The following NDUFS4 variants were observed in gnomAD, a reference collection of about 807,000 sequenced individuals.
The protein encoded by NDUFS4 is NADH dehydrogenase [ubiquinone] iron-sulfur protein 4, mitochondrial.
A neutral mutation model predicts 24.3 loss-of-function variants in NDUFS4; 28 were observed. That is an observed-to-expected ratio of 1.15 (90% CI 0.85 to 1.58). The LOEUF (loss-of-function observed/expected upper bound fraction) is 1.58. Among genes scored for constraint, NDUFS4 ranks in the 40% most tolerant of loss-of-function variants. The pLI is 0.00. For missense variants in NDUFS4, 223 were observed against 207.9 expected (o/e 1.07, Z -0.45); for synonymous variants, 93 against 69.7 (o/e 1.34, Z -1.67).
At chr5:53,596,443 TAATA>T (rs1561351341) in intron 1 of NDUFS4, among the ~76,000 whole-genome samples, 1 of 151,994 alleles carries the variant, frequency 6.6e-6, no homozygotes, top group Non-Finnish European at 1.5e-5. Context: ...AAAAAGTAAA[TAATA>T]AAATAAAATA....
chr5:53,652,739 T>C (rs1206818840), intron 3 of NDUFS4, among the ~76,000 whole-genome samples: 1 of 152,164 alleles, frequency 6.6e-6, no homozygotes, highest in African/African-American at 2.4e-5. Flanking sequence ...CCTGAGTCTT[T>C]AAATGTTAGA....
intron 2 of NDUFS4, among the ~76,000 whole-genome samples, chr5:53,617,556 T>C (rs546292866): frequency 5.3e-5 from 8 of 152,264 alleles, no homozygotes; most frequent in African/African-American, 1.7e-4. Context: ...TCTTCTTCCT[T>C]CCATTCTTTT....
At chr5:53,652,288 T>C (rs201788166) in intron 3 of NDUFS4, among the ~76,000 whole-genome samples, 1 of 152,078 alleles carries the variant, frequency 6.6e-6, no homozygotes, top group East Asian at 1.9e-4. Flanking sequence ...TATCTTGCTG[T>C]TAAATACACA....
At chr5:53,570,714 T>C in intron 1 of NDUFS4, among the ~76,000 whole-genome samples, 1 of 148,958 alleles carries the variant, frequency 6.7e-6, no homozygotes, top group Admixed American at 6.7e-5. Context: ...GACAGAGTCT[T>C]GCTCTGTCAC....
intron 2 of NDUFS4, among the ~76,000 whole-genome samples, chr5:53,606,797 A>G (rs143813979): frequency 6.6e-6 from 1 of 152,342 alleles, no homozygotes; most frequent in East Asian, 1.9e-4. Context: ...TGAGGATTAC[A>G]TTTCAACATG....
intron 4 of NDUFS4, among the ~76,000 whole-genome samples, chr5:53,664,125 G>A (rs1348308793): frequency 1.3e-5 from 2 of 152,192 alleles, no homozygotes; most frequent in South Asian, 2.1e-4. Context: ...ATTCTGGGTT[G>A]AAAATTCTTT....
chr5:53,648,571 G>C (rs142635100), intron 3 of NDUFS4, among the ~76,000 whole-genome samples: 1 of 152,280 alleles, frequency 6.6e-6, no homozygotes, highest in Non-Finnish European at 1.5e-5. Context: ...ATTCCTGGTG[G>C]TGCCTGCATC....
At chr5:53,581,946 TCA>T (rs1749579726) in intron 1 of NDUFS4, among the ~76,000 whole-genome samples, 1 of 152,178 alleles carries the variant, frequency 6.6e-6, no homozygotes, top group Non-Finnish European at 1.5e-5. Flanking sequence ...GCGTGGTGGC[TCA>T]CGCCTGTAAT....
At chr5:53,683,045 T>G in intron 4 of NDUFS4, 73 bp from the exon 5 acceptor site, 3 of 972,814 alleles carry the variant, frequency 3.1e-6, no homozygotes, top group Non-Finnish European at 3.4e-6. Context: ...AAAGCTAGCC[T>G]CTGCTTGCTG....
At chr5:53,614,228 G>C (rs1014927341) in intron 2 of NDUFS4, among the ~76,000 whole-genome samples, 2 of 151,770 alleles carry the variant, frequency 1.3e-5, no homozygotes, top group African/African-American at 4.8e-5. Flanking sequence ...AAATTCTTTA[G>C]ATAAATAAAA....
intron 4 of NDUFS4, among the ~76,000 whole-genome samples, chr5:53,665,238 A>G (rs1752477971): frequency 6.6e-6 from 1 of 152,144 alleles, no homozygotes; most frequent in Admixed American, 6.5e-5. Flanking sequence ...GTCTGACCCT[A>G]CTGGGGGGTG....
At chr5:53,584,592 T>A (rs1245206895) in intron 1 of NDUFS4, among the ~76,000 whole-genome samples, 2 of 151,654 alleles carry the variant, frequency 1.3e-5, no homozygotes, top group East Asian at 3.9e-4. Flanking sequence ...CACCTGCCTC[T>A]GCCTCCCAAA....
At chr5:53,674,999 GAGTACTTTTTA>G (rs1432526048) in intron 4 of NDUFS4, among the ~76,000 whole-genome samples, 5 of 151,878 alleles carry the variant, frequency 3.3e-5, no homozygotes, top group African/African-American at 1.2e-4. Context: ...GTTGCTCTTA[GAGTACTTTTTA>G]AGTACTCTTA....
At chr5:53,645,996 T>A (rs1445176726) in intron 2 of NDUFS4, among the ~76,000 whole-genome samples, 1 of 152,162 alleles carries the variant, frequency 6.6e-6, no homozygotes, top group Non-Finnish European at 1.5e-5. Context: ...GGGCGTAAAT[T>A]TTTTTTACGA....
chr5:53,593,447 G>T, intron 1 of NDUFS4, among the ~76,000 whole-genome samples: 1 of 148,442 alleles, frequency 6.7e-6, no homozygotes, highest in African/African-American at 2.5e-5. Flanking sequence ...TCTCTTTTTT[G>T]TTAACCTGAC....
chr5:53,621,558 C>G (rs1751032033), intron 2 of NDUFS4, among the ~76,000 whole-genome samples: 1 of 151,872 alleles, frequency 6.6e-6, no homozygotes, highest in Non-Finnish European at 1.5e-5. Context: ...CATAGTCTGC[C>G]ATGAACTAAT....
intron 3 of NDUFS4, among the ~76,000 whole-genome samples, chr5:53,655,495 CTG>C (rs149974116): frequency 0.095 from 13,985 of 146,542 alleles, 768 homozygotes; most frequent in Middle Eastern, 0.14. Context: ...GTGTAAATTT[CTG>C]TTTGGGTTTT....
In NDUFS4 at chr5:53,577,876, C is replaced by T. The variant is rs558524479; in HGVS notation, c.98+17116C>T. 1.3e-4 allele frequency among the ~76,000 whole-genome samples: 20 copies of T among 152,276 alleles called. No homozygotes were observed. The East Asian group carries it at 3.5e-3, about 26-fold the overall frequency. On this transcript the variant is annotated intron_variant, in intron 1 of 4. Coordinates refer to ENST00000296684, the MANE Select transcript of NDUFS4 (RefSeq NM_002495.4). ...CCCGGGATTGTGTATAACATCCCAG[C>T]TAACAAAGATCAACCTACAGTTTTC...
Position 53,594,807 on chromosome 5 carries a change from T to C in NDUFS4, c.99-8645T>C, listed in dbSNP as rs79033179. On this transcript the variant is annotated intron_variant, in intron 1 of 4. Coordinates refer to ENST00000296684, the MANE Select transcript of NDUFS4 (RefSeq NM_002495.4). ...TATTAAAACAAACCTCTTTTATACATTATCTCAGTATTTTTTTACACACAG... is the reference window on the plus strand; with the variant it reads ...TATTAAAACAAACCTCTTTTATACACTATCTCAGTATTTTTTTACACACAG... Among the ~76,000 whole-genome samples, 287 of 152,162 alleles carry C rather than the reference T, an allele frequency of 1.9e-3. 1 individual carries two copies. The highest frequency in any genetic ancestry group is 6.7e-3 in the African/African-American group (280 of 41,548).
Sources: gnomAD v4.1 joint callset for allele counts (sites outside exome capture counted in the v4.1 genomes callset) on GRCh38, gnomAD v4.1.1 for gene constraint, MANE v1.5 for transcripts, NCBI Gene and HGNC (gene_info 2026-07-23, HGNC 2026-07-21) for gene names.